NRG3: variants seen among roughly 807,000 people sequenced by gnomAD.
NRG3 encodes the protein neuregulin 3, also known as pro-neuregulin-3, membrane-bound isoform.
A neutral mutation model predicts 66.9 loss-of-function variants in NRG3; 31 were observed. That is an observed-to-expected ratio of 0.46 (90% CI 0.35 to 0.63). The LOEUF (loss-of-function observed/expected upper bound fraction) is 0.63, where lower values mean the gene tolerates loss of function less well. Among genes scored for constraint, NRG3 ranks in the 20% least tolerant of loss-of-function variants. NRG3 has a pLI of 0.00. For synonymous variants in NRG3, 393 were observed against 359.4 expected, an observed-to-expected ratio of 1.09 and a Z score of -1.06; for missense variants, 910 against 878.9, an observed-to-expected ratio of 1.04 and a Z score of -0.45.
chr10:82,079,632 T>C (rs190647029), intron 1 of NRG3, among the ~76,000 whole-genome samples: 108 of 152,296 alleles, frequency 7.1e-4, no homozygotes, highest in Admixed American at 6.5e-3. Flanking sequence ...TTCATCCCTC[T>C]CCACCCCCAA....
intron 2 of NRG3, among the ~76,000 whole-genome samples, chr10:82,673,286 T>A (rs866812533): frequency 1.3e-5 from 2 of 152,246 alleles, no homozygotes. Flanking sequence ...TCTTACTTTT[T>A]AAATTCATCT....
At chr10:82,251,130 C>T (rs945267293) in intron 1 of NRG3, among the ~76,000 whole-genome samples, 3 of 152,170 alleles carry the variant, frequency 2.0e-5, no homozygotes, top group African/African-American at 4.8e-5. Context: ...AATGTCATGG[C>T]TATGAATAGT....
intron 2 of NRG3, among the ~76,000 whole-genome samples, chr10:82,648,701 C>A (rs1477554119): frequency 1.3e-5 from 2 of 152,130 alleles, no homozygotes; most frequent in African/African-American, 4.8e-5. Flanking sequence ...GTTTGTAGTT[C>A]TCCTTGAAGA....
chr10:82,275,782 A>G (rs1331508917), intron 1 of NRG3, among the ~76,000 whole-genome samples: 1 of 152,078 alleles, frequency 6.6e-6, no homozygotes, highest in Non-Finnish European at 1.5e-5. Context: ...TTATATATGA[A>G]GAAAAAATAA....
intron 2 of NRG3, among the ~76,000 whole-genome samples, chr10:82,636,990 G>A (rs951161453): frequency 2.6e-5 from 4 of 152,126 alleles, no homozygotes; most frequent in East Asian, 1.9e-4. Context: ...AAGATACAAA[G>A]TACAACATGA....
At chr10:82,595,777 G>A (rs1015513798) in intron 2 of NRG3, among the ~76,000 whole-genome samples, 1 of 149,430 alleles carries the variant, frequency 6.7e-6, no homozygotes, top group Non-Finnish European at 1.5e-5. Flanking sequence ...GAGTGAGACT[G>A]TGTCTCAAAA....
At chr10:81,971,373 G>A (rs1261430120) in intron 1 of NRG3, among the ~76,000 whole-genome samples, 2 of 152,146 alleles carry the variant, frequency 1.3e-5, no homozygotes, top group Non-Finnish European at 2.9e-5. Flanking sequence ...TCTAAGAGTT[G>A]AGATGTAAAG....
chr10:82,592,134 T>C (rs957721677), intron 2 of NRG3, among the ~76,000 whole-genome samples: 1 of 152,210 alleles, frequency 6.6e-6, no homozygotes, highest in African/African-American at 2.4e-5. Flanking sequence ...CAAACAAACA[T>C]GTAATGGCTC....
At chr10:82,724,772 G>C (rs1333214306) in intron 2 of NRG3, among the ~76,000 whole-genome samples, 1 of 152,152 alleles carries the variant, frequency 6.6e-6, no homozygotes, top group Non-Finnish European at 1.5e-5. Flanking sequence ...TTTGAAGCAT[G>C]CTGAGTGGTT....
chr10:82,403,670 A>T (rs2087281581), intron 2 of NRG3, among the ~76,000 whole-genome samples: 1 of 152,150 alleles, frequency 6.6e-6, no homozygotes, highest in Non-Finnish European at 1.5e-5. Flanking sequence ...CCTCCTGGGG[A>T]TATTTCTAGA....
chr10:82,365,068 G>T (rs922256839), intron 2 of NRG3, among the ~76,000 whole-genome samples: 1 of 152,136 alleles, frequency 6.6e-6, no homozygotes, highest in Non-Finnish European at 1.5e-5. Flanking sequence ...ACAATTCTAC[G>T]ATATAACAGG....
chr10:82,952,446 T>G (rs1849618153), intron 5 of NRG3, among the ~76,000 whole-genome samples: 3 of 142,656 alleles, frequency 2.1e-5, no homozygotes, highest in Admixed American at 7.2e-5. Context: ...AAAAAGTAGA[T>G]ATAAACGTCT....
intron 3 of NRG3, among the ~76,000 whole-genome samples, chr10:82,816,573 T>G (rs745767120): frequency 1.3e-5 from 2 of 152,116 alleles, no homozygotes; most frequent in Non-Finnish European, 2.9e-5. Context: ...CACCATAAGT[T>G]CTCACTCCTG....
chr10:82,231,209 G>T (rs1390490812), intron 1 of NRG3, among the ~76,000 whole-genome samples: 1 of 152,100 alleles, frequency 6.6e-6, no homozygotes, highest in Non-Finnish European at 1.5e-5. Context: ...CAGGCATGGT[G>T]GCAGGTGCCC....
chr10:82,610,582 T>G (rs1356159119), intron 2 of NRG3, among the ~76,000 whole-genome samples: 2 of 152,212 alleles, frequency 1.3e-5, no homozygotes, highest in Non-Finnish European at 2.9e-5. Context: ...TGCTCTTGGC[T>G]AAGAGTGAAG....
At chr10:81,947,899 T>G (rs1416976392) in intron 1 of NRG3, among the ~76,000 whole-genome samples, 1 of 152,046 alleles carries the variant, frequency 6.6e-6, no homozygotes, top group Non-Finnish European at 1.5e-5. Flanking sequence ...ATTTGTATTG[T>G]GTTGGATTGA....
chr10:82,586,275 A>G (rs548857794), intron 2 of NRG3, among the ~76,000 whole-genome samples: 2 of 152,050 alleles, frequency 1.3e-5, no homozygotes, highest in African/African-American at 4.8e-5. Context: ...AAACAAAGCT[A>G]AACTGAGAAA....
chr10:82,678,899 C>T (rs537084093), intron 2 of NRG3, among the ~76,000 whole-genome samples: 3 of 152,044 alleles, frequency 2.0e-5, no homozygotes, highest in Non-Finnish European at 4.4e-5. Context: ...TTCTGAGCAC[C>T]GTGTATACAT....
intron 2 of NRG3, among the ~76,000 whole-genome samples, chr10:82,565,108 G>A (rs1050166545): frequency 1.3e-5 from 2 of 152,090 alleles, no homozygotes; most frequent in African/African-American, 4.8e-5. Flanking sequence ...GCAGCAGCAG[G>A]AGGAGCAGAC....
Sources: allele counts gnomAD v4.1 joint callset (sites outside exome capture counted in the v4.1 genomes callset), GRCh38; gene constraint gnomAD v4.1.1; transcripts MANE v1.5; gene names NCBI Gene and HGNC (gene_info 2026-07-23, HGNC 2026-07-21).